Variants in EXOC6B observed in about 807,000 individuals in gnomAD.
EXOC6B encodes the protein exocyst complex component 6B.
A neutral mutation model predicts 113.5 loss-of-function variants in EXOC6B; 54 were observed. The ratio of observed to expected loss-of-function variants is 0.48; its 90% CI spans 0.38 to 0.60. The LOEUF is 0.60. Ranked by LOEUF, EXOC6B falls within the 20% of genes least tolerant of loss-of-function variation. The pLI is 0.00. For synonymous variants in EXOC6B, 357 were observed against 339.0 expected (o/e 1.05, Z -0.58); for missense variants, 797 against 977.5 (o/e 0.82, Z 2.46).
At chr2:72,765,155 G>T (rs1009421398) in intron 1 of EXOC6B, among the ~76,000 whole-genome samples, 1 of 152,050 alleles carries the variant, frequency 6.6e-6, no homozygotes, top group African/African-American at 2.4e-5. Context: ...AATTAGCCGG[G>T]CATGGTGGCA....
Position 72,249,445 on chromosome 2 carries a change from C to T in EXOC6B, c.2197-65258G>A, listed in dbSNP as rs367809068. ...AATTTTCTTGTATTTTTAGTAGAGA[C>T]GGGGTTTCACCGTGTTAGCCAGGAT... On this transcript the variant is annotated intron_variant, in intron 20 of 21. Coordinates refer to ENST00000272427, the MANE Select transcript of EXOC6B (RefSeq NM_015189.3). 2.2e-4 allele frequency among the ~76,000 whole-genome samples: 34 copies of T among 151,284 alleles called. 1 individual carries two copies. The South Asian group carries it at 6.5e-3, about 29-fold the overall frequency.
At chr2:72,639,850 G>GA (rs1296543622) in intron 6 of EXOC6B, among the ~76,000 whole-genome samples, 2 of 152,086 alleles carry the variant, frequency 1.3e-5, no homozygotes, top group East Asian at 3.9e-4. Flanking sequence ...TAGATTAAAG[G>GA]AAAAAAACCT....
At chr2:72,343,775 C>CT (rs1030410823) in intron 19 of EXOC6B, among the ~76,000 whole-genome samples, 157 of 151,590 alleles carry the variant, frequency 1.0e-3, no homozygotes, top group African/African-American at 3.7e-3. Flanking sequence ...ATAGTTTTTT[C>CT]TTCTAGTATT....
At chr2:72,725,165 C>T (rs1680227119) in intron 5 of EXOC6B, among the ~76,000 whole-genome samples, 1 of 152,054 alleles carries the variant, frequency 6.6e-6, no homozygotes. Flanking sequence ...ATGATAAAGA[C>T]AAAAGTTTTA....
intron 18 of EXOC6B, among the ~76,000 whole-genome samples, chr2:72,434,728 A>G (rs1043393283): frequency 1.3e-5 from 2 of 152,054 alleles, no homozygotes; most frequent in Non-Finnish European, 2.9e-5. Flanking sequence ...GGTAGTTTGT[A>G]TTTCTGTGAG....
chr2:72,335,227 G>A (rs1018506996), intron 19 of EXOC6B: 3 of 557,682 alleles, frequency 5.4e-6, no homozygotes, highest in South Asian at 4.2e-5. Flanking sequence ...CTGACAGCAA[G>A]GAAACTGTAC....
At chr2:72,532,342 A>C (rs1230033869) in intron 8 of EXOC6B, among the ~76,000 whole-genome samples, 6 of 152,314 alleles carry the variant, frequency 3.9e-5, no homozygotes, top group Admixed American at 3.3e-4. Context: ...AAAACAATAC[A>C]ATACCCAGTA....
chr2:72,294,477 G>T (rs926562305), intron 20 of EXOC6B, among the ~76,000 whole-genome samples: 1 of 151,880 alleles, frequency 6.6e-6, no homozygotes, highest in African/African-American at 2.4e-5. Context: ...GTAGAGACGG[G>T]GTCTCATTAT....
At chr2:72,215,723 AC>A (rs1680485604) in intron 20 of EXOC6B, among the ~76,000 whole-genome samples, 1 of 152,124 alleles carries the variant, frequency 6.6e-6, no homozygotes, top group African/African-American at 2.4e-5. Context: ...AGAAATTTGC[AC>A]CTGTTAGGAG....
chr2:72,687,271 A>T (rs1190065174), intron 6 of EXOC6B, among the ~76,000 whole-genome samples: 1 of 152,178 alleles, frequency 6.6e-6, no homozygotes, highest in East Asian at 1.9e-4. Flanking sequence ...GATGCTCAGA[A>T]ATATATAAAT....
intron 20 of EXOC6B, among the ~76,000 whole-genome samples, chr2:72,206,611 C>G (rs1679853443): frequency 6.6e-6 from 1 of 152,082 alleles, no homozygotes; most frequent in East Asian, 1.9e-4. Flanking sequence ...GTGTTTTATG[C>G]TTATATCTCC....
chr2:72,491,623 G>C (rs1699750568), intron 16 of EXOC6B, among the ~76,000 whole-genome samples: 1 of 152,076 alleles, frequency 6.6e-6, no homozygotes, highest in African/African-American at 2.4e-5. Context: ...TTCCAAGGGA[G>C]AGAACTTCAC....
intron 6 of EXOC6B, among the ~76,000 whole-genome samples, chr2:72,630,418 C>A (rs898933664): frequency 5.4e-4 from 82 of 152,304 alleles, no homozygotes; most frequent in African/African-American, 1.8e-3. Context: ...TGGAAATAAA[C>A]ATCTAGAGAT....
rs146419265 is a variant in EXOC6B at position 72,559,534 on chromosome 2, G to A, written c.847-13C>T. 2.6e-4 allele frequency: 424 copies of A among 1,603,586 alleles called. 2 individuals are homozygous for A. In the African/African-American group the frequency reaches 5.3e-3, roughly 20 times the overall value. On this transcript the variant is annotated splice_polypyrimidine_tract_variant and intron_variant, in intron 7 of 21. Coordinates refer to ENST00000272427, the MANE Select transcript of EXOC6B (RefSeq NM_015189.3). ...GGGCCCCAGGTACCTGCAAACACAAGATTATAACAAAAAAATTCAAACAAA... is the reference window on the plus strand; with the variant it reads ...GGGCCCCAGGTACCTGCAAACACAAAATTATAACAAAAAAATTCAAACAAA...
At chr2:72,550,484 A>C (rs757822958) in intron 8 of EXOC6B, among the ~76,000 whole-genome samples, 20 of 152,202 alleles carry the variant, frequency 1.3e-4, no homozygotes, top group Non-Finnish European at 2.8e-4. Context: ...AGTTTCTACC[A>C]CTAACTGTAC....
At chr2:72,712,559 T>C (rs1440203631) in intron 6 of EXOC6B, among the ~76,000 whole-genome samples, 1 of 152,222 alleles carries the variant, frequency 6.6e-6, no homozygotes, top group Non-Finnish European at 1.5e-5. Context: ...GTGGGGATCA[T>C]TTACAGCAAC....
intron 18 of EXOC6B, among the ~76,000 whole-genome samples, chr2:72,389,457 T>A (rs1402051353): frequency 6.6e-6 from 1 of 152,064 alleles, no homozygotes; most frequent in African/African-American, 2.4e-5. Context: ...GAGTAAAAAC[T>A]TTTTTATCTT....
intron 20 of EXOC6B, among the ~76,000 whole-genome samples, chr2:72,281,117 A>G (rs1016054061): frequency 6.6e-6 from 1 of 152,196 alleles, no homozygotes; most frequent in Admixed American, 6.5e-5. Context: ...GATACCTATA[A>G]TAGTTGGTAT....
chr2:72,313,712 C>T (rs1389972836), intron 20 of EXOC6B, among the ~76,000 whole-genome samples: 1 of 152,138 alleles, frequency 6.6e-6, no homozygotes, highest in Non-Finnish European at 1.5e-5. Flanking sequence ...CCTATGCTGT[C>T]CAGCATATTA....
Sources: allele counts gnomAD v4.1 joint callset (sites outside exome capture counted in the v4.1 genomes callset), GRCh38; gene constraint gnomAD v4.1.1; transcripts MANE v1.5; gene names NCBI Gene and HGNC (gene_info 2026-07-23, HGNC 2026-07-21).